The following SIPA1L1 variants were observed in gnomAD, a reference collection of about 807,000 sequenced individuals.
SIPA1L1 encodes the protein signal-induced proliferation-associated 1-like protein 1.
SIPA1L1 carries 26 observed loss-of-function variants against 162.7 expected under a neutral mutation model. The observed-to-expected ratio is 0.16, with a 90% CI of 0.12 to 0.22. The LOEUF (loss-of-function observed/expected upper bound fraction) is 0.22, where lower values mean the gene tolerates loss of function less well. SIPA1L1 is among the 10% of genes least tolerant of loss of function. The pLI, the probability that SIPA1L1 is intolerant of heterozygous loss-of-function variation, is 1.00. For synonymous variants in SIPA1L1, 829 were observed against 837.4 expected (o/e 0.99, Z 0.17); for missense variants, 1,874 against 2,241.0 (o/e 0.84, Z 3.31).
At chr14:71,343,489 TC>T (rs1178562724) in intron 2 of SIPA1L1, among the ~76,000 whole-genome samples, 2 of 152,202 alleles carry the variant, frequency 1.3e-5, no homozygotes, top group African/African-American at 4.8e-5. Context: ...TTTGATATTT[TC>T]CTCTTTGTAT....
At chr14:71,540,176 G>C (rs1324027516) in intron 4 of SIPA1L1, among the ~76,000 whole-genome samples, 4 of 152,200 alleles carry the variant, frequency 2.6e-5, no homozygotes, top group Non-Finnish European at 4.4e-5. Context: ...CCTTGGAATT[G>C]TTTCAGAACA....
chr14:71,346,582 T>A (rs2036190395), intron 2 of SIPA1L1, among the ~76,000 whole-genome samples: 1 of 152,116 alleles, frequency 6.6e-6, no homozygotes, highest in Non-Finnish European at 1.5e-5. Context: ...AAACAAAAAT[T>A]GTGATTGTAT....
At chr14:71,333,331 A>G (rs555285824) in intron 2 of SIPA1L1, among the ~76,000 whole-genome samples, 1 of 152,200 alleles carries the variant, frequency 6.6e-6, no homozygotes, top group Non-Finnish European at 1.5e-5. Context: ...TCTGAGTGCC[A>G]TTACTGTGAT....
intron 22 of SIPA1L1, among the ~76,000 whole-genome samples, chr14:71,736,609 G>C (rs1170023616): frequency 6.6e-6 from 1 of 152,138 alleles, no homozygotes; most frequent in Non-Finnish European, 1.5e-5. Flanking sequence ...GTATAGGAGA[G>C]AGGCCGCACT....
At chr14:71,714,691 C>T (rs2083133098) in intron 17 of SIPA1L1, among the ~76,000 whole-genome samples, 1 of 152,078 alleles carries the variant, frequency 6.6e-6, no homozygotes, top group South Asian at 2.1e-4. Context: ...AAGTGATCCT[C>T]CCACCTTAGC....
intron 2 of SIPA1L1, among the ~76,000 whole-genome samples, chr14:71,366,856 T>TA (rs2140947766): frequency 6.6e-6 from 1 of 152,334 alleles, no homozygotes; most frequent in South Asian, 2.1e-4. Flanking sequence ...TTGTAAAGTA[T>TA]AAAGTGCTTT....
At position 71,598,690 on chromosome 14, in the gene SIPA1L1, C is replaced by T. The variant is rs2036342912; in HGVS notation, c.1498+9320C>T. The stretch of plus-strand genomic sequence containing the variant: ...GGGGGGATTGCACATAGTGGAAACA[C>T]TGGTGAAATTCGAATAAGAACTTTA... On this transcript the variant is annotated intron_variant, in intron 5 of 23. Coordinates refer to ENST00000381232, the MANE Select transcript of SIPA1L1 (RefSeq NM_001386936.1). 2.0e-5 allele frequency among the ~76,000 whole-genome samples: 3 copies of T among 152,180 alleles called. No homozygotes were observed. In the South Asian group the frequency reaches 6.2e-4, roughly 31 times the overall value.
At chr14:71,605,807 C>T in intron 5 of SIPA1L1, among the ~76,000 whole-genome samples, 1 of 152,124 alleles carries the variant, frequency 6.6e-6, no homozygotes, top group East Asian at 1.9e-4. Flanking sequence ...GCAGCAAACA[C>T]CAGCACTTGT....
chr14:71,624,107 G>C lies in SIPA1L1; in HGVS notation c.1689G>C (p.Ser563=). Residue 563 remains serine (S), a synonymous_variant, in exon 7 of 24, where the codon TCG becomes TCC. Transcript: ENST00000381232. ...EDAIPSTAKH[S]TARGLPLKEV... ...CCATTCCGTCGACAGCCAAGCACTC[G>C]ACAGCCAGAGGCCTGCCTCTCAAAG... 3.1e-6 allele frequency: 5 copies of C among 1,614,054 alleles called. No individual in the cohort carries two copies. The highest frequency in any genetic ancestry group is 4.2e-6 in the Non-Finnish European group (5 of 1,179,990).
intron 2 of SIPA1L1, among the ~76,000 whole-genome samples, chr14:71,391,015 C>G (rs998159039): frequency 6.6e-6 from 1 of 151,152 alleles, no homozygotes; most frequent in African/African-American, 2.4e-5. Flanking sequence ...GGAATAGACA[C>G]TATACTAAGA....
chr14:71,490,010 C>G (rs2049109651), intron 2 of SIPA1L1, among the ~76,000 whole-genome samples: 1 of 152,096 alleles, frequency 6.6e-6, no homozygotes, highest in Admixed American at 6.6e-5. Flanking sequence ...ACACACAAGT[C>G]TAAGGTTTAC....
At chr14:71,646,903 T>G (rs1251752961) in intron 7 of SIPA1L1, among the ~76,000 whole-genome samples, 1 of 152,210 alleles carries the variant, frequency 6.6e-6, no homozygotes, top group South Asian at 2.1e-4. Context: ...TCTGAGACAA[T>G]AAATACTGTT....
intron 13 of SIPA1L1, among the ~76,000 whole-genome samples, chr14:71,690,048 A>C (rs2081145297): frequency 6.6e-6 from 1 of 152,156 alleles, no homozygotes; most frequent in African/African-American, 2.4e-5. Flanking sequence ...CAAAACAAGC[A>C]CCATTTAATG....
At chr14:71,427,078 A>G (rs773495965) in intron 2 of SIPA1L1, among the ~76,000 whole-genome samples, 9 of 152,216 alleles carry the variant, frequency 5.9e-5, no homozygotes, top group Non-Finnish European at 1.3e-4. Flanking sequence ...TGTTTTTACA[A>G]TGATACTTTT....
At chr14:71,445,972 C>T (rs2045312648) in intron 2 of SIPA1L1, among the ~76,000 whole-genome samples, 1 of 152,150 alleles carries the variant, frequency 6.6e-6, no homozygotes, top group Non-Finnish European at 1.5e-5. Context: ...TCTCAGCCTC[C>T]TGAGTAGCTG....
intron 21 of SIPA1L1, 21 bp downstream of exon 21, chr14:71,733,833 C>A (rs2085031342): frequency 6.2e-7 from 1 of 1,608,696 alleles, no homozygotes; most frequent in Admixed American, 1.7e-5. Context: ...TGAATCCACA[C>A]AAGACAGCCC....
Position 71,587,889 on chromosome 14 carries a change from G to C in SIPA1L1, c.17G>C (p.Arg6Pro). Residue 6 changes from arginine (R) to proline (P), a missense_variant, in exon 5 of 24, where the codon CGG becomes CCG. Physicochemically the swap from Arg to Pro is moderately radical, Grantham distance 103. Around this residue, in one of 5 missense-constraint regions of SIPA1L1, gnomAD observed 685 missense variants for 828.0 expected, o/e 0.83. Coordinates refer to ENST00000381232, the MANE Select transcript of SIPA1L1 (RefSeq NM_001386936.1). MTSLK[R>P]SQTERPLATD... ...TTTTACATCATGACCAGCTTGAAAC[G>C]GTCACAGACAGAAAGGCCTCTTGCC... is the stretch of plus-strand genomic sequence containing the variant. The C allele has an allele frequency of 6.2e-7, 1 of 1,607,658 alleles. No homozygotes were observed. Among genetic ancestry groups the C allele is most frequent in the Non-Finnish European group, 8.5e-7 (1 of 1,174,540 alleles).
chr14:71,684,361 G>A (rs2046079258), intron 12 of SIPA1L1, among the ~76,000 whole-genome samples: 1 of 152,210 alleles, frequency 6.6e-6, no homozygotes, highest in African/African-American at 2.4e-5. Flanking sequence ...AGCCAACTAT[G>A]TAAACCCTTC....
intron 5 of SIPA1L1, among the ~76,000 whole-genome samples, chr14:71,602,845 G>A (rs957843070): frequency 3.9e-4 from 59 of 152,196 alleles, no homozygotes; most frequent in African/African-American, 1.3e-3. Flanking sequence ...GCACATGCGA[G>A]GGATCTAGGT....
Sources: gnomAD v4.1 joint callset for allele counts (sites outside exome capture counted in the v4.1 genomes callset) on GRCh38, gnomAD v4.1.1 for gene constraint, gnomAD v4.1.1 regional missense constraint, MANE v1.5 for transcripts, NCBI Gene and HGNC (gene_info 2026-07-23, HGNC 2026-07-21) for gene names.